The following DIABLO variants were observed in gnomAD, a reference collection of about 807,000 sequenced individuals.
The protein encoded by DIABLO is diablo IAP-binding mitochondrial protein, also known as diablo homolog, mitochondrial.
Under a neutral mutation model 31.7 loss-of-function variants are expected in DIABLO, and 32 were observed. The ratio of observed to expected loss-of-function variants is 1.01; its 90% CI spans 0.76 to 1.35. The LOEUF (loss-of-function observed/expected upper bound fraction) is 1.35. Among genes scored for constraint, DIABLO ranks in the 40% most tolerant of loss-of-function variants. DIABLO has a pLI of 0.00. For missense variants in DIABLO, 316 were observed against 286.4 expected, an observed-to-expected ratio of 1.10 and a Z score of -0.75; for synonymous variants, 132 against 103.2, an observed-to-expected ratio of 1.28 and a Z score of -1.69.
At position 122,226,004 on chromosome 12, in the gene DIABLO, A is replaced by G. The variant is rs1954459979; in HGVS notation, c.11T>C (p.Leu4Pro). The G allele has an allele frequency of 3.1e-6, 5 of 1,603,586 alleles. No individual in the cohort carries two copies. The highest frequency in any genetic ancestry group is 4.3e-6 in the Non-Finnish European group (5 of 1,175,966). MAA[L>P]KSWLSRSVTS... is the part of the protein sequence containing the mutation. Reference sequence around the variant, plus strand: ...TACGCTGCGCGACAGCCAACTCTTCAGAGCCGCCATTGTGCAGCGCGCGGA... The same window carrying G: ...TACGCTGCGCGACAGCCAACTCTTCGGAGCCGCCATTGTGCAGCGCGCGGA... The change falls in exon 1 of 6, where the codon CTG becomes CCG. Residue 4 changes from leucine (L) to proline (P), a missense_variant. Physicochemically the swap from Leu to Pro is moderately conservative, Grantham distance 98. Transcript: ENST00000464942.
chr12:122,220,019 T>A (rs1465734940), intron 2 of DIABLO, among the ~76,000 whole-genome samples: 1 of 149,090 alleles, frequency 6.7e-6, no homozygotes, highest in South Asian at 2.3e-4. Flanking sequence ...TCTTGGCTCA[T>A]TGCAACCTCC....
Position 122,216,498 on chromosome 12 carries a change from T to G in DIABLO, c.513A>C (p.Ala171=). ...VGLSEMAAEA[A]YQTGADQASI... ...AAAACTTGAACCTACCAGTTTGATATGCAGCTTCTGCTGCCATCTCTGAAA... is the reference window on the plus strand; with the variant it reads ...AAAACTTGAACCTACCAGTTTGATAGGCAGCTTCTGCTGCCATCTCTGAAA... The change falls in exon 5 of 6, where the codon GCA becomes GCC. Residue 171 remains alanine, a synonymous_variant. Transcript: ENST00000464942. The G allele has an allele frequency of 6.2e-7, 1 of 1,613,690 alleles. No individual in the cohort carries two copies. Among genetic ancestry groups the G allele is most frequent in the South Asian group, 1.1e-5 (1 of 91,064 alleles).
chr12:122,226,145 T>G (rs777607344), upstream of DIABLO: 24 of 1,375,774 alleles, frequency 1.7e-5, no homozygotes, highest in South Asian at 3.0e-4. Flanking sequence ...GCAGTCGGGA[T>G]TGGGCAGGCA....
chr12:122,223,341 T>C (rs946574531), intron 2 of DIABLO, among the ~76,000 whole-genome samples: 22 of 150,796 alleles, frequency 1.5e-4, no homozygotes, highest in African/African-American at 4.2e-4. Context: ...GGCTAAGGCA[T>C]GAGAATTGCT....
At position 122,207,698 on chromosome 12, in the gene DIABLO, G is replaced by A. The variant is rs905705012; in HGVS notation, c.*683C>T. 1.6e-5 allele frequency: 9 copies of A among 575,770 alleles called. No homozygotes were observed. Among genetic ancestry groups the A allele is most frequent in the South Asian group, 6.1e-5 (4 of 65,502 alleles). 35.7% of individuals were successfully genotyped at this position (575,770 alleles called of 1,614,324 possible). ...GAGAGACGCATTTTCTCTTTCAGAT[G>A]CAAACAAAATCTTACACTCTTCTCC... On this transcript the variant is annotated 3_prime_UTR_variant, in exon 6 of 6. Coordinates refer to ENST00000464942, the MANE Select transcript of DIABLO (RefSeq NM_001371333.1).
intron 1 of DIABLO, 120 bp downstream of exon 1, chr12:122,225,845 C>G (rs990088886): frequency 1.3e-6 from 2 of 1,525,758 alleles, no homozygotes; most frequent in African/African-American, 2.8e-5. Context: ...ACGCCGCGAC[C>G]CAGCTGGGCG....
intron 2 of DIABLO, chr12:122,222,217 A>G (rs1287864230): frequency 6.7e-6 from 1 of 149,824 alleles, no homozygotes; most frequent in Admixed American, 6.6e-5. Flanking sequence ...TAGAAATGAC[A>G]TTTCCAAAAA....
rs1954215933 is a variant in DIABLO at position 122,216,548 on chromosome 12, T to C, written c.463A>G (p.Thr155Ala). Residue 155 changes from threonine (T) to alanine (A), a missense_variant, in exon 5 of 6, where the codon ACC becomes GCC. Physicochemically the swap from Thr to Ala is moderately conservative, Grantham distance 58 (BLOSUM62 0). Coordinates refer to ENST00000464942, the MANE Select transcript of DIABLO (RefSeq NM_001371333.1). Reference sequence around the variant, plus strand: ...AGACCAACTGCAGTCATCCAAGTGGTTTCCAGCTTCAAGTACTCTTGGTGT... The same window carrying C: ...AGACCAACTGCAGTCATCCAAGTGGCTTCCAGCTTCAAGTACTCTTGGTGT... Reference protein sequence around the residue: ...SKHQEYLKLETTWMTAVGLSE... With the variant: ...SKHQEYLKLEATWMTAVGLSE... 1 of 1,614,066 alleles carries C rather than the reference T, an allele frequency of 6.2e-7. No individual in the cohort carries two copies. Among genetic ancestry groups the C allele is most frequent in the African/African-American group, 1.3e-5 (1 of 74,930 alleles).
At chr12:122,214,911 A>G (rs7966455) in intron 5 of DIABLO, among the ~76,000 whole-genome samples, 130,149 of 152,074 alleles carry the variant, frequency 0.86, 56,132 homozygotes, top group African/African-American at 0.95. Flanking sequence ...GGGTAGTGTC[A>G]AACTCTTGAC....
chr12:122,219,701 A>G (rs1954292815), intron 2 of DIABLO, among the ~76,000 whole-genome samples: 1 of 141,094 alleles, frequency 7.1e-6, no homozygotes, highest in Non-Finnish European at 1.5e-5. Flanking sequence ...CTAAAAATAC[A>G]AAAAAAAAAA....
chr12:122,221,084 C>T (rs1954325815), intron 2 of DIABLO: 1 of 152,250 alleles, frequency 6.6e-6, no homozygotes, highest in East Asian at 1.9e-4. Flanking sequence ...AAGTCTGTAC[C>T]CTTCCCATTA....
intron 2 of DIABLO, among the ~76,000 whole-genome samples, chr12:122,222,720 T>A (rs1205572794): frequency 6.6e-6 from 1 of 152,118 alleles, no homozygotes; most frequent in Non-Finnish European, 1.5e-5. Flanking sequence ...CCTCAGATCA[T>A]GAGGCATTAG....
intron 2 of DIABLO, chr12:122,220,459 A>T (rs1954309052): frequency 6.6e-6 from 1 of 151,840 alleles, no homozygotes; most frequent in South Asian, 2.1e-4. Context: ...GTTTGAGACA[A>T]GCCTGGCCAA....
At chr12:122,218,585 C>T (rs949608478) in intron 2 of DIABLO, 188 bp from the exon 3 acceptor site, 15 of 654,092 alleles carry the variant, frequency 2.3e-5, no homozygotes, top group East Asian at 1.4e-4. Context: ...GAAATAATTC[C>T]GGAGTATGCT....
intron 5 of DIABLO, among the ~76,000 whole-genome samples, chr12:122,216,073 T>C (rs1365336237): frequency 6.6e-6 from 1 of 152,120 alleles, no homozygotes; most frequent in Admixed American, 6.6e-5. Flanking sequence ...GTTTTGCCAC[T>C]GACTATGATT....
intron 5 of DIABLO, among the ~76,000 whole-genome samples, chr12:122,212,998 G>A (rs1954121681): frequency 6.6e-6 from 1 of 151,890 alleles, no homozygotes; most frequent in South Asian, 2.1e-4. Context: ...ATGGCTCACT[G>A]CAGCCTCGAC....
chr12:122,209,070 G>T, intron 5 of DIABLO: 1 of 283,570 alleles, frequency 3.5e-6, no homozygotes, highest in Non-Finnish European at 6.8e-6. Context: ...ACTTAAACAT[G>T]TTTTGAAGGC....
intron 5 of DIABLO, among the ~76,000 whole-genome samples, chr12:122,215,715 G>A (rs972983128): frequency 6.6e-6 from 1 of 151,884 alleles, no homozygotes. Flanking sequence ...AGCACTGGCT[G>A]CTGGGAGAAT....
At chr12:122,215,267 T>C (rs1222139349) in intron 5 of DIABLO, among the ~76,000 whole-genome samples, 3 of 145,786 alleles carry the variant, frequency 2.1e-5, no homozygotes, top group Non-Finnish European at 4.5e-5. Flanking sequence ...GCACCAAGAG[T>C]GAAACTCTGT....
Sources: allele counts gnomAD v4.1 joint callset (sites outside exome capture counted in the v4.1 genomes callset), GRCh38; gene constraint gnomAD v4.1.1; transcripts MANE v1.5; gene names NCBI Gene and HGNC (gene_info 2026-07-23, HGNC 2026-07-21).